Variants in SLC24A3 observed in about 807,000 individuals in gnomAD.
The protein encoded by SLC24A3 is solute carrier family 24 member 3.
A neutral mutation model predicts 75.8 loss-of-function variants in SLC24A3; 28 were observed. That is an observed-to-expected ratio of 0.37 (90% CI 0.27 to 0.51). The LOEUF (loss-of-function observed/expected upper bound fraction) is 0.51, where lower values mean the gene tolerates loss of function less well. SLC24A3 is among the 20% of genes least tolerant of loss of function. SLC24A3 has a pLI of 0.94. For missense variants in SLC24A3, 663 were observed against 847.8 expected (o/e 0.78, Z 2.71); for synonymous variants, 372 against 334.1 (o/e 1.11, Z -1.24).
intron 3 of SLC24A3, among the ~76,000 whole-genome samples, chr20:19,548,093 A>C (rs1244375477): frequency 6.6e-6 from 1 of 152,218 alleles, no homozygotes; most frequent in Non-Finnish European, 1.5e-5. Flanking sequence ...CCAGTACATG[A>C]AGAATGTGGG....
chr20:19,327,840 A>G (rs1984907077), intron 2 of SLC24A3, among the ~76,000 whole-genome samples: 1 of 152,166 alleles, frequency 6.6e-6, no homozygotes, highest in Non-Finnish European at 1.5e-5. Flanking sequence ...GTCACTCATT[A>G]TGTGTTCTGG....
chr20:19,388,388 A>C (rs1178295459), intron 2 of SLC24A3, among the ~76,000 whole-genome samples: 1 of 152,108 alleles, frequency 6.6e-6, no homozygotes, highest in Non-Finnish European at 1.5e-5. Flanking sequence ...GACAGTTTTT[A>C]ACTTAAATTC....
chr20:19,450,087 A>C (rs1987454807), intron 2 of SLC24A3, among the ~76,000 whole-genome samples: 1 of 152,196 alleles, frequency 6.6e-6, no homozygotes, highest in Non-Finnish European at 1.5e-5. Flanking sequence ...CATCAACCAT[A>C]GGTGCCAAGT....
intron 2 of SLC24A3, among the ~76,000 whole-genome samples, chr20:19,474,090 A>G (rs1402562279): frequency 6.6e-6 from 1 of 152,250 alleles, no homozygotes; most frequent in Non-Finnish European, 1.5e-5. Context: ...AGCTCGCTTC[A>G]TAAAGCCTGT....
At chr20:19,376,628 C>CT (rs11087280) in intron 2 of SLC24A3, among the ~76,000 whole-genome samples, 1,843 of 144,492 alleles carry the variant, frequency 0.013, 16 homozygotes, top group Non-Finnish European at 0.016. Flanking sequence ...GTCATTGCCA[C>CT]TTTTTTTTTT....
chr20:19,399,961 T>C (rs1986520358), intron 2 of SLC24A3, among the ~76,000 whole-genome samples: 1 of 152,254 alleles, frequency 6.6e-6, no homozygotes, highest in Non-Finnish European at 1.5e-5. Context: ...GTCCAGCATA[T>C]TTTTCTCAGA....
At chr20:19,473,362 C>G (rs1987905994) in intron 2 of SLC24A3, among the ~76,000 whole-genome samples, 1 of 152,204 alleles carries the variant, frequency 6.6e-6, no homozygotes, top group Admixed American at 6.5e-5. Flanking sequence ...GTTCAGAACT[C>G]TAGATTCCTA....
At chr20:19,308,487 G>T (rs1210744961) in intron 2 of SLC24A3, among the ~76,000 whole-genome samples, 1 of 152,218 alleles carries the variant, frequency 6.6e-6, no homozygotes, top group African/African-American at 2.4e-5. Flanking sequence ...ACCAGCTGAG[G>T]GGAGGGGACA....
intron 2 of SLC24A3, among the ~76,000 whole-genome samples, chr20:19,373,636 T>A (rs1986028187): frequency 6.6e-6 from 1 of 152,120 alleles, no homozygotes; most frequent in Non-Finnish European, 1.5e-5. Context: ...TTTGCACATA[T>A]TTTGAGGACA....
At chr20:19,349,882 G>A (rs550367391) in intron 2 of SLC24A3, among the ~76,000 whole-genome samples, 1 of 152,264 alleles carries the variant, frequency 6.6e-6, no homozygotes, top group East Asian at 1.9e-4. Context: ...GCTCTGGTTG[G>A]TGTTTTGCCT....
intron 2 of SLC24A3, 145 bp downstream of exon 2, chr20:19,281,232 G>GA: frequency 8.2e-7 from 1 of 1,221,812 alleles, no homozygotes; most frequent in Non-Finnish European, 1.1e-6. Context: ...AAACTTTCAG[G>GA]TGACATCCTG....
chr20:19,339,832 G>C (rs1348814492), intron 2 of SLC24A3, among the ~76,000 whole-genome samples: 1 of 152,188 alleles, frequency 6.6e-6, no homozygotes, highest in East Asian at 1.9e-4. Context: ...CAGCACATTG[G>C]GTAGAGAGAA....
At chr20:19,230,062 AT>A (rs11087276) in intron 1 of SLC24A3, among the ~76,000 whole-genome samples, 52,488 of 146,716 alleles carry the variant, frequency 0.36, 9,867 homozygotes, top group East Asian at 0.77. Flanking sequence ...CCCATAATAG[AT>A]TTTTTTTTTT....
chr20:19,326,186 G>A (rs58145544), intron 2 of SLC24A3, among the ~76,000 whole-genome samples: 11,220 of 152,006 alleles, frequency 0.074, 1,331 homozygotes, highest in African/African-American at 0.26. Flanking sequence ...GGTATGCAAA[G>A]GGGGTAGTGC....
chr20:19,492,585 C>T (rs574747052), intron 2 of SLC24A3, among the ~76,000 whole-genome samples: 4 of 152,198 alleles, frequency 2.6e-5, no homozygotes, highest in Non-Finnish European at 5.9e-5. Flanking sequence ...TAGCCTTTTA[C>T]TCCTGAGGCC....
intron 3 of SLC24A3, among the ~76,000 whole-genome samples, chr20:19,518,002 G>A (rs949370909): frequency 3.3e-5 from 5 of 152,148 alleles, no homozygotes; most frequent in South Asian, 2.1e-4. Context: ...AAGCCCCTTC[G>A]TACTGTGTCC....
chr20:19,377,029 A>G (rs1234426840), intron 2 of SLC24A3, among the ~76,000 whole-genome samples: 3 of 152,214 alleles, frequency 2.0e-5, no homozygotes, highest in Non-Finnish European at 4.4e-5. Context: ...TGGGAAAGAC[A>G]CATTCATGGT....
chr20:19,585,376 C>T (rs1600290951), intron 5 of SLC24A3, 65 bp from the exon 6 acceptor site: 11 of 1,476,202 alleles, frequency 7.5e-6, no homozygotes, highest in Non-Finnish European at 1.0e-5. Flanking sequence ...TGAAAGGTTC[C>T]CCATGCCCAC....
At chr20:19,298,289 G>A (rs6045975) in intron 2 of SLC24A3, among the ~76,000 whole-genome samples, 1 of 152,172 alleles carries the variant, frequency 6.6e-6, no homozygotes, top group East Asian at 1.9e-4. Context: ...TCCAACAAAC[G>A]CTGTCCCAGC....
Sources: allele counts gnomAD v4.1 joint callset (sites outside exome capture counted in the v4.1 genomes callset), GRCh38; gene constraint gnomAD v4.1.1; transcripts MANE v1.5; gene names NCBI Gene and HGNC (gene_info 2026-07-23, HGNC 2026-07-21).